Variants in CTNNA3 observed in about 807,000 individuals in gnomAD.
CTNNA3 encodes catenin alpha-3.
Under a neutral mutation model 95.7 loss-of-function variants are expected in CTNNA3, and 76 were observed. That is an observed-to-expected ratio of 0.79 (90% CI 0.66 to 0.96). The LOEUF (loss-of-function observed/expected upper bound fraction) is 0.96, where lower values mean the gene tolerates loss of function less well. CTNNA3 is among the 40% of genes least tolerant of loss of function. The pLI is 0.00. For synonymous variants in CTNNA3, 431 were observed against 374.4 expected (o/e 1.15, Z -1.74); for missense variants, 1,191 against 1,089.8 (o/e 1.09, Z -1.31).
intron 7 of CTNNA3, among the ~76,000 whole-genome samples, chr10:67,109,118 G>T (rs61299234): frequency 1.4e-3 from 209 of 152,194 alleles, no homozygotes; most frequent in African/African-American, 4.8e-3. Flanking sequence ...ATGTAGAAAG[G>T]GTATATTGGG....
At chr10:66,633,233 C>T (rs914014084) in intron 9 of CTNNA3, among the ~76,000 whole-genome samples, 2 of 151,596 alleles carry the variant, frequency 1.3e-5, no homozygotes, top group African/African-American at 4.9e-5. Flanking sequence ...TTTGTAAAAG[C>T]GAAAATGAAT....
chr10:67,738,130 A>C (rs1841313428), intron 1 of CTNNA3, among the ~76,000 whole-genome samples: 1 of 152,204 alleles, frequency 6.6e-6, no homozygotes, highest in South Asian at 2.1e-4. Context: ...GAGTGACCTG[A>C]CTGTTAAAAC....
chr10:67,683,051 A>G (rs939221652), intron 1 of CTNNA3, among the ~76,000 whole-genome samples: 12 of 152,212 alleles, frequency 7.9e-5, no homozygotes, highest in Non-Finnish European at 1.2e-4. Flanking sequence ...TCAATTAGCA[A>G]GCAGAGGAGA....
At chr10:66,475,901 G>A (rs1187718092) in intron 11 of CTNNA3, among the ~76,000 whole-genome samples, 1 of 152,042 alleles carries the variant, frequency 6.6e-6, no homozygotes, top group Non-Finnish European at 1.5e-5. Flanking sequence ...CTATTATAAA[G>A]ACACATGCAT....
At chr10:65,923,000 G>A (rs1056902695) in intron 17 of CTNNA3, among the ~76,000 whole-genome samples, 22 of 152,192 alleles carry the variant, frequency 1.4e-4, no homozygotes, top group Admixed American at 8.5e-4. Flanking sequence ...TCACTATCAC[G>A]AGAACAGCAT....
intron 7 of CTNNA3, among the ~76,000 whole-genome samples, chr10:66,941,020 T>TAA (rs936563026): frequency 6.6e-6 from 1 of 151,752 alleles, no homozygotes; most frequent in East Asian, 1.9e-4. Context: ...TGTAATTTAA[T>TAA]AAAAAAAAGA....
At chr10:67,316,593 G>C (rs1841061034) in intron 5 of CTNNA3, among the ~76,000 whole-genome samples, 2 of 152,104 alleles carry the variant, frequency 1.3e-5, no homozygotes, top group Non-Finnish European at 2.9e-5. Flanking sequence ...AACAGTAATA[G>C]ATAATTTTGG....
At chr10:67,033,013 T>G (rs1417752897) in intron 7 of CTNNA3, among the ~76,000 whole-genome samples, 1 of 152,192 alleles carries the variant, frequency 6.6e-6, no homozygotes, top group African/African-American at 2.4e-5. Context: ...ACTTGAATTA[T>G]TTTACAGTAC....
intron 16 of CTNNA3, among the ~76,000 whole-genome samples, chr10:65,984,785 A>C (rs2078393462): frequency 1.3e-5 from 2 of 151,302 alleles, no homozygotes; most frequent in Non-Finnish European, 3.0e-5. Flanking sequence ...AGTATTTAAA[A>C]AGTTATTAAT....
chr10:67,760,955 G>A (rs1323731660), intron 1 of CTNNA3, among the ~76,000 whole-genome samples: 2 of 152,154 alleles, frequency 1.3e-5, no homozygotes, highest in African/African-American at 4.8e-5. Flanking sequence ...GAAATAAAGT[G>A]CACAATAAAT....
chr10:66,044,151 T>C (rs1056892625), intron 15 of CTNNA3, among the ~76,000 whole-genome samples: 2 of 152,068 alleles, frequency 1.3e-5, no homozygotes, highest in Non-Finnish European at 1.5e-5. Flanking sequence ...CATGCCACCA[T>C]GCCCGGCTAA....
chr10:66,962,711 C>T (rs1849187547), intron 7 of CTNNA3, among the ~76,000 whole-genome samples: 1 of 151,914 alleles, frequency 6.6e-6, no homozygotes. Flanking sequence ...GTGCCTGGCC[C>T]ACCTCCTCTA....
intron 7 of CTNNA3, among the ~76,000 whole-genome samples, chr10:66,917,728 C>T (rs1016744068): frequency 1.1e-4 from 16 of 152,222 alleles, no homozygotes; most frequent in Admixed American, 2.0e-4. Flanking sequence ...CCAGTGTATC[C>T]AGTTGAAACT....
chr10:67,662,138 AT>A, intron 1 of CTNNA3, among the ~76,000 whole-genome samples: 1 of 152,200 alleles, frequency 6.6e-6, no homozygotes, highest in African/African-American at 2.4e-5. Flanking sequence ...TCCTTGGGGG[AT>A]ATGTTCCAAG....
intron 7 of CTNNA3, among the ~76,000 whole-genome samples, chr10:67,061,864 AG>A (rs1855774163): frequency 6.6e-6 from 1 of 152,216 alleles, no homozygotes; most frequent in African/African-American, 2.4e-5. Context: ...TTACTGATAA[AG>A]AATCAAGTTA....
intron 9 of CTNNA3, among the ~76,000 whole-genome samples, chr10:66,654,402 G>A (rs1227145263): frequency 1.3e-5 from 2 of 152,030 alleles, no homozygotes; most frequent in Non-Finnish European, 2.9e-5. Context: ...ACTGCAATGA[G>A]CTATATCACC....
chr10:66,443,736 G>A (rs184591211), intron 11 of CTNNA3, among the ~76,000 whole-genome samples: 1 of 151,980 alleles, frequency 6.6e-6, no homozygotes, highest in Non-Finnish European at 1.5e-5. Flanking sequence ...AAACAGAGCA[G>A]AAAAACCAGA....
intron 10 of CTNNA3, among the ~76,000 whole-genome samples, chr10:66,586,623 T>A (rs748735224): frequency 7.9e-5 from 12 of 152,132 alleles, no homozygotes; most frequent in Non-Finnish European, 7.4e-5. Context: ...CCAGAAAGTC[T>A]GTCTACAGAT....
At chr10:66,602,880 T>G (rs531092501) in intron 10 of CTNNA3, among the ~76,000 whole-genome samples, 95 of 152,202 alleles carry the variant, frequency 6.2e-4, no homozygotes, top group Middle Eastern at 3.4e-3. Context: ...AAAAAGCTTT[T>G]GATAAAATTC....
Sources: allele counts gnomAD v4.1 joint callset (sites outside exome capture counted in the v4.1 genomes callset), GRCh38; gene constraint gnomAD v4.1.1; transcripts MANE v1.5; gene names NCBI Gene and HGNC (gene_info 2026-07-23, HGNC 2026-07-21).